The following FAM193A variants were observed in gnomAD, a reference collection of about 807,000 sequenced individuals.
The protein encoded by FAM193A is protein FAM193A.
In FAM193A, 22 loss-of-function variants were observed where a neutral mutation model predicts 126.5. The observed-to-expected ratio is 0.17, with a 90% CI of 0.12 to 0.25. The LOEUF is 0.25. Among genes scored for constraint, FAM193A ranks in the 10% least tolerant of loss-of-function variants. The pLI, the probability that FAM193A is intolerant of heterozygous loss-of-function variation, is 1.00. For synonymous variants in FAM193A, 761 were observed against 646.8 expected, an observed-to-expected ratio of 1.18 and a Z score of -2.68; for missense variants, 1,675 against 1,672.8, an observed-to-expected ratio of 1.00 and a Z score of -0.02.
At chr4:2,587,923 C>T (rs1740324912) in intron 1 of FAM193A, among the ~76,000 whole-genome samples, 1 of 152,064 alleles carries the variant, frequency 6.6e-6, no homozygotes, top group East Asian at 1.9e-4. Context: ...GAGAAGAGGA[C>T]AGAATCAGTG....
At chr4:2,661,296 T>C (rs1340427754) in intron 10 of FAM193A, among the ~76,000 whole-genome samples, 3 of 152,254 alleles carry the variant, frequency 2.0e-5, no homozygotes, top group Non-Finnish European at 4.4e-5. Context: ...TTGTATTGTC[T>C]CTTTCTTGGT....
rs112923916 is a variant in FAM193A, at chr4:2,604,964, A to AT, written c.501+8651dup. ...AGCTGCACGCCAACAGTCCTGGATG[A>AT]TTTTTTTTTTTTTTTTAAATTTTTT... On this transcript the variant is annotated intron_variant, in intron 2 of 20. Coordinates refer to ENST00000637812, the MANE Select transcript of FAM193A (RefSeq NM_001366318.2). 5.1e-3 allele frequency among the ~76,000 whole-genome samples: 672 copies of AT among 132,840 alleles called. 6 individuals are homozygous for AT. Among genetic ancestry groups the AT allele is most frequent in the East Asian group, 0.011 (52 of 4,530 alleles). 87.1% of individuals were successfully genotyped at this position (132,840 alleles called of 152,430 possible). A position where few individuals can be genotyped will look rare whatever the true frequency, so the allele number is the denominator to read the frequency against.
Position 2,690,783 on chromosome 4 carries a change from G to A in FAM193A, c.2616G>A (p.Ser872=), listed in dbSNP as rs753683862. 2.4e-5 allele frequency: 39 copies of A among 1,613,846 alleles called. No individual in the cohort carries two copies. Among genetic ancestry groups the A allele is most frequent in the East Asian group, 4.5e-5 (2 of 44,898 alleles). ...CTAGCAATGAAACACCTGCAGTCTCGGATAGTAAAGAGAAAAAGAATGCTG... is the reference window on the plus strand; with the variant it reads ...CTAGCAATGAAACACCTGCAGTCTCAGATAGTAAAGAGAAAAAGAATGCTG... ...PPSSNETPAV[S]DSKEKKNAAK... is the part of the protein sequence containing the mutation. The change falls in exon 15 of 21, where the codon TCG becomes TCA. Residue 872 remains serine, a synonymous_variant. Coordinates refer to ENST00000637812, the MANE Select transcript of FAM193A (RefSeq NM_001366318.2).
At chr4:2,723,440 T>G (rs1396940303) in intron 20 of FAM193A, among the ~76,000 whole-genome samples, 1 of 151,052 alleles carries the variant, frequency 6.6e-6, no homozygotes, top group African/African-American at 2.4e-5. Flanking sequence ...CAAGATGTGG[T>G]GGTGGGTGCC....
chr4:2,640,318 G>A lies in FAM193A; in HGVS notation c.1163+459G>A, dbSNP rs529904612. Reference sequence around the variant, plus strand: ...CTGTTGCTCTGTCTCCTGGTGTAGCGCATCCATGTGGCTTCTTCACGCTTG... The same window carrying A: ...CTGTTGCTCTGTCTCCTGGTGTAGCACATCCATGTGGCTTCTTCACGCTTG... On this transcript the variant is annotated intron_variant, in intron 6 of 20. Transcript: ENST00000637812. 3.9e-5 allele frequency among the ~76,000 whole-genome samples: 6 copies of A among 152,092 alleles called. No homozygotes were observed. The East Asian group carries it at 5.8e-4, about 15-fold the overall frequency.
At position 2,663,051 on chromosome 4, in the gene FAM193A, T is replaced by C. The variant is rs149709571; in HGVS notation, c.1900-58T>C. 1.5e-5 allele frequency: 24 copies of C among 1,596,826 alleles called. No individual in the cohort carries two copies. In the African/African-American group the frequency reaches 2.8e-4, roughly 19 times the overall value. On this transcript the variant is annotated intron_variant, in intron 11 of 20. Coordinates refer to ENST00000637812, the MANE Select transcript of FAM193A (RefSeq NM_001366318.2). ...GACATAAAATGATGGTCTGACATTT[T>C]AATATTTTATATTACTCTGTTTTGA...
rs191048131 is a variant in FAM193A at position 2,606,387 on chromosome 4, C to G, written c.501+10058C>G. Among the ~76,000 whole-genome samples the G allele has an allele frequency of 3.3e-5, 5 of 152,286 alleles. No homozygotes were observed. In the East Asian group the frequency reaches 9.6e-4, roughly 29 times the overall value. On this transcript the variant is annotated intron_variant, in intron 2 of 20. Transcript: ENST00000637812. The stretch of plus-strand genomic sequence containing the variant: ...TTAATATCTGAATGATAGAACAAAG[C>G]TGGTTTCTTATATCTGCCTCTGTGT...
At chr4:2,702,339 A>G (rs552648354) in intron 19 of FAM193A, among the ~76,000 whole-genome samples, 4 of 152,056 alleles carry the variant, frequency 2.6e-5, no homozygotes, top group Non-Finnish European at 5.9e-5. Flanking sequence ...GCCTTTAAGC[A>G]TTTTATACTT....
rs536933761 is a variant in FAM193A at position 2,546,752 on chromosome 4, T to A, written c.255+9582T>A. ...AACATGTCTATACAGGATTTTTGTGTGAAAGTAAATTTCAATTTTCTAGGT... is the reference window on the plus strand; with the variant it reads ...AACATGTCTATACAGGATTTTTGTGAGAAAGTAAATTTCAATTTTCTAGGT... On this transcript the variant is annotated intron_variant, in intron 1 of 20. Coordinates refer to ENST00000637812, the MANE Select transcript of FAM193A (RefSeq NM_001366318.2). Among the ~76,000 whole-genome samples, 21 of 152,324 alleles carry A rather than the reference T, an allele frequency of 1.4e-4. No individual in the cohort carries two copies. The South Asian group carries it at 4.1e-3, about 30-fold the overall frequency.
chr4:2,707,049 G>A (rs1718391067), intron 19 of FAM193A, among the ~76,000 whole-genome samples: 1 of 152,008 alleles, frequency 6.6e-6, no homozygotes, highest in South Asian at 2.1e-4. Flanking sequence ...TTGAACCCAG[G>A]AGCCAGAGGT....
chr4:2,599,712 C>T (rs958095524), intron 2 of FAM193A, among the ~76,000 whole-genome samples: 10 of 151,840 alleles, frequency 6.6e-5, no homozygotes, highest in African/African-American at 1.9e-4. Flanking sequence ...GTCTTTGTAG[C>T]TCACTTGCTT....
chr4:2,724,347 C>T (rs1466443532), intron 20 of FAM193A, among the ~76,000 whole-genome samples: 1 of 152,142 alleles, frequency 6.6e-6, no homozygotes, highest in African/African-American at 2.4e-5. Flanking sequence ...TAGTCAAAAT[C>T]ACTTTTTCCT....
chr4:2,608,221 C>T (rs1459278548), intron 2 of FAM193A: 34 of 1,135,530 alleles, frequency 3.0e-5, no homozygotes, highest in Non-Finnish European at 1.0e-5. Flanking sequence ...CGGTCTCGCC[C>T]AGTATGGAGT....
rs76776910 is a variant in FAM193A, at chr4:2,651,942, C to T, written c.1311+5110C>T. Among the ~76,000 whole-genome samples the T allele has an allele frequency of 1.9e-4, 29 of 152,252 alleles. No individual in the cohort carries two copies. In the East Asian group the frequency reaches 3.3e-3, roughly 17 times the overall value. On this transcript the variant is annotated intron_variant, in intron 7 of 20. Coordinates refer to ENST00000637812, the MANE Select transcript of FAM193A (RefSeq NM_001366318.2). ...ATCAGAAAGAGTCCCTTGCAAGGGT[C>T]GTTCGAAGGCAGAGTGGGCTGTAGT...
At chr4:2,644,453 G>A (rs1007669111) in intron 6 of FAM193A, among the ~76,000 whole-genome samples, 4 of 152,126 alleles carry the variant, frequency 2.6e-5, no homozygotes, top group African/African-American at 9.7e-5. Flanking sequence ...GAGAAGAAGT[G>A]GGAGAAAAAC....
intron 15 of FAM193A, among the ~76,000 whole-genome samples, chr4:2,692,949 T>C (rs1199150109): frequency 6.6e-6 from 1 of 152,082 alleles, no homozygotes; most frequent in East Asian, 1.9e-4. Flanking sequence ...ACACCTGTAG[T>C]CCCAGCACTT....
intron 8 of FAM193A, among the ~76,000 whole-genome samples, chr4:2,659,264 A>G (rs1712098265): frequency 6.6e-6 from 1 of 152,204 alleles, no homozygotes; most frequent in African/African-American, 2.4e-5. Flanking sequence ...TACCAAGCAC[A>G]TGGCAGACAG....
intron 2 of FAM193A, among the ~76,000 whole-genome samples, chr4:2,616,020 C>T (rs1354995258): frequency 2.6e-5 from 4 of 152,052 alleles, no homozygotes; most frequent in African/African-American, 7.2e-5. Flanking sequence ...AGGCTGGTCT[C>T]GAACTCCTGA....
chr4:2,561,790 C>G (rs760198933), intron 1 of FAM193A, among the ~76,000 whole-genome samples: 3 of 152,282 alleles, frequency 2.0e-5, no homozygotes, highest in Non-Finnish European at 4.4e-5. Context: ...AGCCACCGTA[C>G]CCGGCTGAGA....
Sources: gnomAD v4.1 joint callset for allele counts (sites outside exome capture counted in the v4.1 genomes callset) on GRCh38, gnomAD v4.1.1 for gene constraint, MANE v1.5 for transcripts, NCBI Gene and HGNC (gene_info 2026-07-23, HGNC 2026-07-21) for gene names.